AMZ2: variants seen among roughly 807,000 people sequenced by gnomAD.
AMZ2 encodes the protein archaemetzincin-2.
In AMZ2, 26 loss-of-function variants were observed where a neutral mutation model predicts 36.7. The observed-to-expected ratio is 0.71, with a 90% CI of 0.52 to 0.98. AMZ2 has a LOEUF of 0.98. Ranked by LOEUF, AMZ2 falls within the 50% of genes least tolerant of loss-of-function variation. The pLI, the probability that AMZ2 is intolerant of heterozygous loss-of-function variation, is 0.00. For synonymous variants in AMZ2, 144 were observed against 149.1 expected, an observed-to-expected ratio of 0.97 and a Z score of 0.25; for missense variants, 394 against 430.5, an observed-to-expected ratio of 0.92 and a Z score of 0.75.
At chr17:68,226,177 C>T (rs1463802370) in intron 1 of AMZ2, among the ~76,000 whole-genome samples, 3 of 152,016 alleles carry the variant, frequency 2.0e-5, no homozygotes, top group Non-Finnish European at 2.9e-5. Flanking sequence ...GTAAGGCATT[C>T]GTAAGTGTAT....
chr17:68,252,005 G>A (rs534506024), intron 4 of AMZ2, among the ~76,000 whole-genome samples: 6 of 151,730 alleles, frequency 4.0e-5, no homozygotes, highest in Admixed American at 3.3e-4. Flanking sequence ...TCTGCAAACC[G>A]GTCATATTTT....
intron 2 of AMZ2, 85 bp downstream of exon 2, chr17:68,250,555 G>C: frequency 1.3e-6 from 2 of 1,498,840 alleles, no homozygotes; most frequent in Non-Finnish European, 1.8e-6. Flanking sequence ...GTCTGATTCA[G>C]ATGGGCCGTT....
rs554491946 is a variant in AMZ2, at chr17:68,219,958, A to G, written c.-67+13720A>G. ...GCTCTTTGAGTGCCCATCAGATTCA[A>G]TCTAATTCAAATCTCAATCAAATTG... is the stretch of plus-strand genomic sequence containing the variant. On this transcript the variant is annotated intron_variant, in intron 1 of 7. Transcript: ENST00000674770. Among the ~76,000 whole-genome samples the G allele has an allele frequency of 4.6e-5, 7 of 152,280 alleles. No individual in the cohort carries two copies. In the South Asian group the frequency reaches 1.2e-3, roughly 27 times the overall value.
At position 68,248,558 on chromosome 17, in the gene AMZ2, G is replaced by C. The variant is rs1459364494; in HGVS notation, c.-148G>C. 22 of 985,952 alleles carry C rather than the reference G, an allele frequency of 2.2e-5. No individual in the cohort carries two copies. Among genetic ancestry groups the C allele is most frequent in the Non-Finnish European group, 2.4e-5 (20 of 830,072 alleles). 61.1% of individuals were successfully genotyped at this position (985,952 alleles called of 1,614,324 possible). On this transcript the variant is annotated 5_prime_UTR_variant, in exon 1 of 7. Transcript: ENST00000359904. ...CCCGCAGCTTCCCTAGATTAGGCTT[G>C]GGAGGCAAGAGGAGGCCTCCTGACC...
intron 1 of AMZ2, chr17:68,206,422 AT>A (rs2072835266): frequency 2.4e-6 from 1 of 417,800 alleles, no homozygotes; most frequent in South Asian, 1.2e-4. Flanking sequence ...AAAGAGGCGC[AT>A]TGTTAAAAAT....
intron 1 of AMZ2, among the ~76,000 whole-genome samples, chr17:68,216,982 G>A (rs550763716): frequency 5.4e-4 from 81 of 150,258 alleles, no homozygotes; most frequent in African/African-American, 1.8e-3. Context: ...GCAGTGAGCC[G>A]AGTTTGCGCC....
At chr17:68,217,896 T>C (rs1368155233) in intron 1 of AMZ2, among the ~76,000 whole-genome samples, 1 of 149,374 alleles carries the variant, frequency 6.7e-6, no homozygotes, top group Non-Finnish European at 1.5e-5. Context: ...CACTGCAAGC[T>C]CCACCTCCCG....
intron 1 of AMZ2, among the ~76,000 whole-genome samples, chr17:68,220,732 A>G (rs576935681): frequency 1.3e-5 from 2 of 151,644 alleles, no homozygotes; most frequent in South Asian, 2.1e-4. Flanking sequence ...GAGAAAGGCA[A>G]TTCCTTCCAT....
chr17:68,207,782 A>G (rs1555724757), intron 1 of AMZ2, among the ~76,000 whole-genome samples: 1 of 152,050 alleles, frequency 6.6e-6, no homozygotes, highest in Non-Finnish European at 1.5e-5. Flanking sequence ...TCAGCCCGCC[A>G]CTGTACTGTG....
At chr17:68,233,706 A>T (rs1485773949) in intron 1 of AMZ2, among the ~76,000 whole-genome samples, 5 of 151,006 alleles carry the variant, frequency 3.3e-5, no homozygotes, top group African/African-American at 4.9e-5. Context: ...TTTTATTTTT[A>T]ATTTATTTTT....
intron 4 of AMZ2, among the ~76,000 whole-genome samples, chr17:68,253,207 G>A (rs1250172822): frequency 6.6e-6 from 1 of 152,224 alleles, no homozygotes; most frequent in Non-Finnish European, 1.5e-5. Flanking sequence ...AATAGATTTA[G>A]TGTGCTCTTA....
intron 1 of AMZ2, among the ~76,000 whole-genome samples, chr17:68,214,307 A>G (rs2073141091): frequency 6.6e-6 from 1 of 152,152 alleles, no homozygotes; most frequent in Admixed American, 6.5e-5. Context: ...AGTAAGCTCT[A>G]GAGGAGCGAT....
chr17:68,222,450 C>T (rs541941462), intron 1 of AMZ2, among the ~76,000 whole-genome samples: 4 of 152,292 alleles, frequency 2.6e-5, no homozygotes, highest in South Asian at 4.1e-4. Context: ...AATTTTTCCA[C>T]GGACCGGGTG....
At chr17:68,221,968 C>T (rs1555728688) in intron 1 of AMZ2, among the ~76,000 whole-genome samples, 1 of 152,150 alleles carries the variant, frequency 6.6e-6, no homozygotes, top group Non-Finnish European at 1.5e-5. Flanking sequence ...TGACAAATGG[C>T]CAGAGGCTAG....
chr17:68,212,378 G>C (rs544866267), intron 1 of AMZ2, among the ~76,000 whole-genome samples: 33 of 150,226 alleles, frequency 2.2e-4, no homozygotes, highest in Non-Finnish European at 3.9e-4. Context: ...TTTCAAAGAA[G>C]AAAAAAAAAT....
chr17:68,224,993 C>T lies in AMZ2; in HGVS notation c.-67+18755C>T, dbSNP rs541403512. ...GGGAGTTCGAGACCAGCCTGGCTACCATGGTGAAACCCCGTTTCTACTAAA... is the reference window on the plus strand; with the variant it reads ...GGGAGTTCGAGACCAGCCTGGCTACTATGGTGAAACCCCGTTTCTACTAAA... On this transcript the variant is annotated intron_variant, in intron 1 of 7. Coordinates refer to the AMZ2 transcript ENST00000674770. Among the ~76,000 whole-genome samples, 19 of 140,926 alleles carry T rather than the reference C, an allele frequency of 1.3e-4. No homozygotes were observed. The East Asian group carries it at 3.7e-3, about 27-fold the overall frequency. 92.5% of individuals were successfully genotyped at this position (140,926 alleles called of 152,430 possible).
At chr17:68,243,956 A>T (rs1444220984), upstream of AMZ2, among the ~76,000 whole-genome samples, 1 of 152,228 alleles carries the variant, frequency 6.6e-6, no homozygotes, top group Non-Finnish European at 1.5e-5. Flanking sequence ...TCTTCTGGCT[A>T]TAAAGAACCT....
At chr17:68,249,756 C>T (rs1197611727) in intron 1 of AMZ2, 3 of 167,908 alleles carry the variant, frequency 1.8e-5, no homozygotes, top group Admixed American at 1.8e-4. Flanking sequence ...AAGTGATTCT[C>T]CTGTCTCAGC....
chr17:68,228,852 A>G (rs1260267673), intron 1 of AMZ2, among the ~76,000 whole-genome samples: 7 of 152,222 alleles, frequency 4.6e-5, no homozygotes, highest in Admixed American at 6.5e-5. Context: ...AGCAGCCTAC[A>G]TCCACAGCGG....
Sources: gnomAD v4.1 joint callset for allele counts (sites outside exome capture counted in the v4.1 genomes callset) on GRCh38, gnomAD v4.1.1 for gene constraint, MANE v1.5 for transcripts, NCBI Gene and HGNC (gene_info 2026-07-23, HGNC 2026-07-21) for gene names.